Variants in RTL9 observed in about 807,000 individuals in gnomAD.
RTL9 encodes the protein retrotransposon Gag-like protein 9.
In RTL9, 19 loss-of-function variants were observed where a neutral mutation model predicts 44.7. The observed-to-expected ratio is 0.42, with a 90% CI of 0.30 to 0.62. The LOEUF is 0.62. RTL9 is among the 20% of genes least tolerant of loss of function. The probability of loss-of-function intolerance (pLI) is 0.16; values close to 1 mark genes in which losing one functional copy is unlikely to be tolerated. For missense variants in RTL9, 1,105 were observed against 1,080.6 expected (o/e 1.02, Z -0.32); for synonymous variants, 407 against 398.9 (o/e 1.02, Z -0.24).
intron 1 of RTL9, among the ~76,000 whole-genome samples, chrX:110,372,516 C>T (rs1268306405): frequency 1.8e-5 from 2 of 111,070 alleles, no homozygotes; most frequent in East Asian, 2.8e-4. Flanking sequence ...TTTAACTTAA[C>T]AACACACCTG....
intron 1 of RTL9, among the ~76,000 whole-genome samples, chrX:110,391,761 C>A (rs1453364498): frequency 8.9e-6 from 1 of 112,169 alleles, no homozygotes; most frequent in African/African-American, 3.2e-5. Flanking sequence ...CTCTCTTGTG[C>A]CAGACACCCA....
intron 1 of RTL9, among the ~76,000 whole-genome samples, chrX:110,421,130 T>C (rs1163004040): frequency 8.9e-6 from 1 of 112,521 alleles, no homozygotes; most frequent in East Asian, 2.8e-4. Flanking sequence ...CCCCTCTGAC[T>C]TTTTTGCACA....
At chrX:110,412,447 G>A (rs2068647606) in intron 1 of RTL9, among the ~76,000 whole-genome samples, 1 of 112,179 alleles carries the variant, frequency 8.9e-6, no homozygotes, top group Non-Finnish European at 1.9e-5. Context: ...AAGAGTTTGA[G>A]CCTTGGTTAG....
At chrX:110,369,807 A>G (rs1417781199) in intron 1 of RTL9, among the ~76,000 whole-genome samples, 1 of 111,721 alleles carries the variant, frequency 9.0e-6, no homozygotes, top group Non-Finnish European at 1.9e-5. Context: ...ATTCTACCTC[A>G]TTCTTTTTAA....
At chrX:110,429,672 G>A (rs1403489614) in intron 1 of RTL9, among the ~76,000 whole-genome samples, 1 of 109,410 alleles carries the variant, frequency 9.1e-6, no homozygotes, top group African/African-American at 3.3e-5. Context: ...AGTAGAGATG[G>A]GGTTTCACCA....
upstream of RTL9, among the ~76,000 whole-genome samples, chrX:110,415,626 G>A (rs1216565129): frequency 2.7e-5 from 3 of 111,052 alleles, no homozygotes; most frequent in Admixed American, 2.9e-4. Flanking sequence ...AGGTTTGCAT[G>A]GTCAGGAATC....
intron 1 of RTL9, among the ~76,000 whole-genome samples, chrX:110,378,965 G>A (rs1446457296): frequency 3.6e-5 from 4 of 111,196 alleles, no homozygotes; most frequent in Non-Finnish European, 7.5e-5. Context: ...TGCCAGTCTC[G>A]TGAAACATTA....
intron 1 of RTL9, among the ~76,000 whole-genome samples, chrX:110,379,654 A>ACACATG (rs1356795538): frequency 8.9e-6 from 1 of 112,363 alleles, no homozygotes; most frequent in Admixed American, 9.4e-5. Flanking sequence ...TCTTTCACAC[A>ACACATG]CACATGCACA....
At chrX:110,416,799 G>A (rs1175687973), upstream of RTL9, among the ~76,000 whole-genome samples, 1 of 112,237 alleles carries the variant, frequency 8.9e-6, no homozygotes, top group Non-Finnish European at 1.9e-5. Flanking sequence ...GACTAGCTTA[G>A]AGGCAAGGTG....
At chrX:110,385,470 C>T (rs1449867313) in intron 1 of RTL9, among the ~76,000 whole-genome samples, 1 of 111,238 alleles carries the variant, frequency 9.0e-6, no homozygotes, top group Non-Finnish European at 1.9e-5. Context: ...ATTCATTACC[C>T]CAAAAAGGAA....
chrX:110,417,177 T>C (rs1229318966), upstream of RTL9, among the ~76,000 whole-genome samples: 2 of 112,073 alleles, frequency 1.8e-5, no homozygotes, highest in African/African-American at 3.2e-5. Flanking sequence ...GAATCCCTCC[T>C]CTCGGCAGGC....
chrX:110,365,080 G>C, intron 1 of RTL9, among the ~76,000 whole-genome samples: 1 of 111,831 alleles, frequency 8.9e-6, no homozygotes, highest in South Asian at 3.8e-4. Context: ...ACACTGGCCT[G>C]CTCACACCTT....
exon 1 of RTL9, chrX:110,454,228 A>C (rs1216018371): frequency 1.7e-6 from 2 of 1,212,037 alleles, no homozygotes; most frequent in East Asian, 5.9e-5. Context: ...TTCATCTTGC[A>C]AATGGAGGTA....
At chrX:110,430,762 A>T (rs1353010878) in intron 1 of RTL9, among the ~76,000 whole-genome samples, 1 of 112,450 alleles carries the variant, frequency 8.9e-6, no homozygotes, top group African/African-American at 3.2e-5. Flanking sequence ...AGCTCTTTGA[A>T]ATGCTCAACA....
intron 1 of RTL9, among the ~76,000 whole-genome samples, chrX:110,398,825 C>A (rs2068545155): frequency 8.9e-6 from 1 of 112,352 alleles, no homozygotes; most frequent in African/African-American, 3.2e-5. Context: ...ACATCTAAGA[C>A]CATTTAATCT....
chrX:110,404,552 G>A (rs1182092947), intron 1 of RTL9, among the ~76,000 whole-genome samples: 1 of 112,087 alleles, frequency 8.9e-6, no homozygotes, highest in Non-Finnish European at 1.9e-5. Context: ...CTGTAATTAC[G>A]AAAGCTGAAA....
chrX:110,372,273 T>C (rs2068344433), intron 1 of RTL9, among the ~76,000 whole-genome samples: 3 of 112,782 alleles, frequency 2.7e-5, no homozygotes, highest in South Asian at 7.2e-4. Context: ...TATTTGCTTT[T>C]TATTTCTTTC....
chrX:110,435,728 A>G (rs1321183977), intron 1 of RTL9, among the ~76,000 whole-genome samples: 1 of 111,864 alleles, frequency 8.9e-6, no homozygotes, highest in African/African-American at 3.3e-5. Context: ...GAACCACACC[A>G]ATAATAGTTC....
chrX:110,367,882 C>T (rs1431327864), intron 1 of RTL9, among the ~76,000 whole-genome samples: 1 of 109,779 alleles, frequency 9.1e-6, no homozygotes, highest in African/African-American at 3.3e-5. Flanking sequence ...AATCATAGCT[C>T]ACTATAACTT....
Sources: gnomAD v4.1 joint callset for allele counts (sites outside exome capture counted in the v4.1 genomes callset) on GRCh38, gnomAD v4.1.1 for gene constraint, MANE v1.5 for transcripts, NCBI Gene and HGNC (gene_info 2026-07-23, HGNC 2026-07-21) for gene names.